The following NGLY1 variants were observed in gnomAD, a reference collection of about 807,000 sequenced individuals.
The protein encoded by NGLY1 is N-glycanase 1.
NGLY1 carries 68 observed loss-of-function variants against 84.6 expected under a neutral mutation model. The ratio of observed to expected loss-of-function variants is 0.80; its 90% CI spans 0.66 to 0.98. The LOEUF is 0.98. Ranked by LOEUF, NGLY1 falls within the 50% of genes least tolerant of loss-of-function variation. NGLY1 has a pLI of 0.00. For synonymous variants in NGLY1, 280 were observed against 275.2 expected (o/e 1.02, Z -0.17); for missense variants, 779 against 770.2 (o/e 1.01, Z -0.14).
chr3:25,755,421 C>T, intron 3 of NGLY1: 1 of 1,452,410 alleles, frequency 6.9e-7, no homozygotes, highest in African/African-American at 1.4e-5. Context: ...CAAACAGTGT[C>T]TGTCCCAAAT....
intron 5 of NGLY1, among the ~76,000 whole-genome samples, chr3:25,737,731 A>G (rs1308055633): frequency 2.0e-5 from 3 of 151,952 alleles, no homozygotes; most frequent in Admixed American, 6.6e-5. Flanking sequence ...TTTTCAGTAG[A>G]GACGGGGTTT....
chr3:25,728,344 T>C (rs1458557414), intron 10 of NGLY1, among the ~76,000 whole-genome samples: 1 of 152,158 alleles, frequency 6.6e-6, no homozygotes, highest in Non-Finnish European at 1.5e-5. Context: ...CTATCCAATA[T>C]ATTTTACAAG....
At chr3:25,746,672 T>G (rs1322642490) in intron 4 of NGLY1, among the ~76,000 whole-genome samples, 1 of 152,218 alleles carries the variant, frequency 6.6e-6, no homozygotes, top group Non-Finnish European at 1.5e-5. Flanking sequence ...ATAAACATAA[T>G]GTTCACCTAA....
At chr3:25,763,162 C>A (rs916862893) in intron 3 of NGLY1, among the ~76,000 whole-genome samples, 1 of 152,002 alleles carries the variant, frequency 6.6e-6, no homozygotes, top group Non-Finnish European at 1.5e-5. Context: ...GAAGTTTAAA[C>A]AAGATTAAGA....
chr3:25,784,740 C>A (rs1708564922), upstream of NGLY1, among the ~76,000 whole-genome samples: 1 of 152,134 alleles, frequency 6.6e-6, no homozygotes, highest in Non-Finnish European at 1.5e-5. Context: ...TATTCGTCTC[C>A]CAAATATACG....
chr3:25,774,098 G>C (rs1039653834), intron 2 of NGLY1, among the ~76,000 whole-genome samples: 4 of 152,220 alleles, frequency 2.6e-5, no homozygotes, highest in African/African-American at 4.8e-5. Flanking sequence ...TTCCAGGTGT[G>C]CTGGTAGTAA....
intron 9 of NGLY1, 65 bp downstream of exon 9, chr3:25,732,254 T>C (rs939925055): frequency 2.0e-4 from 301 of 1,471,420 alleles, no homozygotes; most frequent in Non-Finnish European, 2.8e-4. Flanking sequence ...GAGGATAGTA[T>C]AGGAAGAGCA....
chr3:25,726,912 T>C (rs531061612), intron 10 of NGLY1, among the ~76,000 whole-genome samples: 1 of 152,324 alleles, frequency 6.6e-6, no homozygotes, highest in African/African-American at 2.4e-5. Context: ...ATTTGCTAAA[T>C]AGCAAATTTT....
chr3:25,748,660 A>G (rs1706565827), intron 4 of NGLY1, among the ~76,000 whole-genome samples: 1 of 152,332 alleles, frequency 6.6e-6, no homozygotes, highest in South Asian at 2.1e-4. Flanking sequence ...AGCTGAATTT[A>G]CACAAAGACA....
intron 4 of NGLY1, among the ~76,000 whole-genome samples, chr3:25,740,167 A>T (rs3773424): frequency 0.83 from 125,847 of 152,166 alleles, 52,268 homozygotes; most frequent in East Asian, 0.94. Flanking sequence ...AAAAATGGGA[A>T]ACATTGAATT....
intron 10 of NGLY1, among the ~76,000 whole-genome samples, chr3:25,726,480 T>C (rs1246935180): frequency 2.0e-5 from 3 of 152,202 alleles, no homozygotes; most frequent in African/African-American, 7.2e-5. Flanking sequence ...GGATTCAATT[T>C]GCTGGGACCT....
chr3:25,778,574 C>G lies in NGLY1; in HGVS notation c.246G>C (p.Glu82Asp). ...AGAGGAAATCCTTGAACATACTTAC[C>G]TCTTCAAAGCCCATTTCAAATAAAC... ...VECLFEMGFE[E>D]GETHLIFPKK... Residue 82 changes from glutamate (E) to aspartate (D), a missense_variant and splice_region_variant, in exon 2 of 12, where the codon GAG becomes GAC. By Grantham distance (45) the Glu-to-Asp change is conservative (BLOSUM62 2). Coordinates refer to ENST00000280700, the MANE Select transcript of NGLY1 (RefSeq NM_018297.4). 1 of 1,584,092 alleles carries G rather than the reference C, an allele frequency of 6.3e-7. No individual in the cohort carries two copies. Among genetic ancestry groups the G allele is most frequent in the Non-Finnish European group, 8.6e-7 (1 of 1,159,144 alleles).
chr3:25,753,055 G>A lies in NGLY1; in HGVS notation c.493-1792C>T, dbSNP rs144536702. On this transcript the variant is annotated intron_variant, in intron 3 of 11. Coordinates refer to ENST00000280700, the MANE Select transcript of NGLY1 (RefSeq NM_018297.4). The stretch of plus-strand genomic sequence containing the variant: ...GAAGGCAACTGCTCAAAAAAAAACA[G>A]AAATAAATTTCTCATAGCTGAAGAG... 4.9e-4 allele frequency among the ~76,000 whole-genome samples: 74 copies of A among 151,926 alleles called. 1 individual carries two copies. The highest frequency in any genetic ancestry group is 4.6e-3 in the Admixed American group (71 of 15,270).
chr3:25,719,974 A>G, intron 11 of NGLY1, 40 bp downstream of exon 11: 2 of 1,545,642 alleles, frequency 1.3e-6, no homozygotes, highest in Non-Finnish European at 1.8e-6. Flanking sequence ...CAGAGTGGTA[A>G]ATATATATTT....
At chr3:25,730,449 TTTAAAG>T (rs1275508362) in intron 9 of NGLY1, 1 of 152,138 alleles carries the variant, frequency 6.6e-6, no homozygotes, top group Non-Finnish European at 1.5e-5. Flanking sequence ...AATTCATATT[TTTAAAG>T]TTAATCAACT....
intron 3 of NGLY1, among the ~76,000 whole-genome samples, chr3:25,758,348 G>A (rs975130769): frequency 6.6e-6 from 1 of 152,120 alleles, no homozygotes; most frequent in Non-Finnish European, 1.5e-5. Context: ...AGCTGAGGCA[G>A]GCGGATTGCT....
At chr3:25,760,046 G>C (rs1707233375) in intron 3 of NGLY1, among the ~76,000 whole-genome samples, 1 of 151,492 alleles carries the variant, frequency 6.6e-6, no homozygotes, top group East Asian at 1.9e-4. Flanking sequence ...TAAAAGTTTT[G>C]TTATTTTAAA....
chr3:25,753,003 TCCAGAAAGA>T (rs1217247788), intron 3 of NGLY1, among the ~76,000 whole-genome samples: 1 of 151,494 alleles, frequency 6.6e-6, no homozygotes, highest in Admixed American at 6.6e-5. Flanking sequence ...TAAGGGAAAT[TCCAGAAAGA>T]CAGTAAAAAC....
At chr3:25,761,230 T>C (rs1707308796) in intron 3 of NGLY1, among the ~76,000 whole-genome samples, 2 of 152,308 alleles carry the variant, frequency 1.3e-5, no homozygotes, top group East Asian at 3.9e-4. Flanking sequence ...GAGTAAAAAG[T>C]ACTAAATGTA....
Sources: allele counts gnomAD v4.1 joint callset (sites outside exome capture counted in the v4.1 genomes callset), GRCh38; gene constraint gnomAD v4.1.1; transcripts MANE v1.5; gene names NCBI Gene and HGNC (gene_info 2026-07-23, HGNC 2026-07-21).